TRMT11: variants seen among roughly 807,000 people sequenced by gnomAD.
TRMT11 encodes tRNA methyltransferase 11.
TRMT11 carries 53 observed loss-of-function variants against 62.8 expected under a neutral mutation model. The ratio of observed to expected loss-of-function variants is 0.84; its 90% CI spans 0.68 to 1.06. The LOEUF is 1.06. TRMT11 is among the 50% of genes least tolerant of loss of function. TRMT11 has a pLI of 0.00. For missense variants in TRMT11, 556 were observed against 553.4 expected, an observed-to-expected ratio of 1.00 and a Z score of -0.05; for synonymous variants, 188 against 190.3, an observed-to-expected ratio of 0.99 and a Z score of 0.10.
At chr6:126,099,451 A>C (rs1283931457) in intron 17 of TRMT11, among the ~76,000 whole-genome samples, 2 of 152,200 alleles carry the variant, frequency 1.3e-5, no homozygotes, top group African/African-American at 2.4e-5. Flanking sequence ...CCGTGTACTG[A>C]CAGTTGTGAC....
chr6:126,102,352 C>T (rs1402401414), intron 17 of TRMT11, among the ~76,000 whole-genome samples: 1 of 152,142 alleles, frequency 6.6e-6, no homozygotes, highest in Admixed American at 6.5e-5. Flanking sequence ...AAGCAAAACA[C>T]TTCAAAGGAC....
upstream of TRMT11, among the ~76,000 whole-genome samples, chr6:126,173,207 CTGT>C: frequency 6.6e-6 from 1 of 152,050 alleles, no homozygotes; most frequent in Non-Finnish European, 1.5e-5. Context: ...TTTGAAATGC[CTGT>C]TTATGGCAAA....
intron 17 of TRMT11, among the ~76,000 whole-genome samples, chr6:126,081,024 G>C (rs1261816444): frequency 1.3e-5 from 2 of 152,170 alleles, no homozygotes; most frequent in Non-Finnish European, 2.9e-5. Flanking sequence ...AGAGACTTGT[G>C]CCACTGCCAA....
intron 17 of TRMT11, among the ~76,000 whole-genome samples, chr6:126,062,129 G>A (rs984490048): frequency 4.6e-5 from 7 of 152,082 alleles, no homozygotes; most frequent in Non-Finnish European, 8.8e-5. Context: ...CAAGAGATCC[G>A]TCCACCTTGG....
the TRMT11 span, among the ~76,000 whole-genome samples, chr6:126,259,825 C>A: frequency 2.6e-5 from 4 of 152,102 alleles, no homozygotes; most frequent in African/African-American, 9.6e-5. Context: ...AAAGAATAAC[C>A]TTTGCCTCTT....
At chr6:126,025,072 A>G (rs754529771) in intron 12 of TRMT11, among the ~76,000 whole-genome samples, 1 of 152,192 alleles carries the variant, frequency 6.6e-6, no homozygotes, top group Non-Finnish European at 1.5e-5. Flanking sequence ...TATTCCAAAG[A>G]ATTAGGAGGA....
chr6:126,247,358 C>T, the TRMT11 span, among the ~76,000 whole-genome samples: 4 of 151,840 alleles, frequency 2.6e-5, no homozygotes, highest in East Asian at 7.7e-4. Context: ...CACGCACACA[C>T]ATATACACAC....
the TRMT11 span, among the ~76,000 whole-genome samples, chr6:126,259,606 T>C: frequency 6.6e-6 from 1 of 152,248 alleles, no homozygotes; most frequent in Admixed American, 6.5e-5. Context: ...TGTGTCTTTA[T>C]GATAGAATGA....
rs398002786 is a variant in TRMT11, at chr6:126,152,269, TAAA to T, written c.*1824-22541_*1824-22539del. ...GATTCATGTGATGTCACCAAATGGC[TAAA>T]AAAAAAAAAAAAAATCAAACATGAT... On this transcript the variant is annotated intron_variant and NMD_transcript_variant, in intron 21 of 22. Coordinates refer to the TRMT11 transcript ENST00000648977. Among the ~76,000 whole-genome samples, 24 of 134,566 alleles carry T rather than the reference TAAA, an allele frequency of 1.8e-4. No homozygotes were observed. In the South Asian group the frequency reaches 3.4e-3, roughly 19 times the overall value. The allele number at this position is 134,566 out of a possible 152,430, so 88.3% of individuals were successfully genotyped here. A position where few individuals can be genotyped will look rare whatever the true frequency, so the allele number is the denominator to read the frequency against.
At chr6:126,091,711 C>T (rs1777279435) in intron 17 of TRMT11, among the ~76,000 whole-genome samples, 1 of 152,152 alleles carries the variant, frequency 6.6e-6, no homozygotes, top group Non-Finnish European at 1.5e-5. Flanking sequence ...CTCATGGCAA[C>T]TCTATTGTTT....
At chr6:126,139,124 A>C (rs1417692178) in intron 21 of TRMT11, among the ~76,000 whole-genome samples, 1 of 152,024 alleles carries the variant, frequency 6.6e-6, no homozygotes, top group Non-Finnish European at 1.5e-5. Context: ...TTTAAGAAAT[A>C]ATATGAAGTT....
At chr6:126,045,255 A>T (rs1471384856) in intron 16 of TRMT11, among the ~76,000 whole-genome samples, 1 of 152,036 alleles carries the variant, frequency 6.6e-6, no homozygotes, top group Admixed American at 6.6e-5. Context: ...AGTTCTTTGT[A>T]TGTGACCTAG....
At chr6:126,197,905 T>A (rs1778685293) in intron 1 of TRMT11, among the ~76,000 whole-genome samples, 1 of 152,098 alleles carries the variant, frequency 6.6e-6, no homozygotes, top group Non-Finnish European at 1.5e-5. Flanking sequence ...AAGGAAAACA[T>A]GAACACAAAG....
intron 17 of TRMT11, among the ~76,000 whole-genome samples, chr6:126,072,853 A>G (rs1027940222): frequency 6.6e-6 from 1 of 152,066 alleles, no homozygotes; most frequent in Admixed American, 6.6e-5. Context: ...TTCCACCCTC[A>G]TGATCTAATT....
intron 21 of TRMT11, among the ~76,000 whole-genome samples, chr6:126,130,378 C>T (rs539895865): frequency 6.6e-6 from 1 of 152,028 alleles, no homozygotes; most frequent in Non-Finnish European, 1.5e-5. Context: ...TATGTAATAT[C>T]GTTTAATCCT....
intron 6 of TRMT11, 74 bp from the exon 7 acceptor site, chr6:125,999,383 T>C: frequency 8.6e-7 from 1 of 1,158,134 alleles, no homozygotes; most frequent in Non-Finnish European, 1.2e-6. Flanking sequence ...CAAAATACAA[T>C]GGTCTTATTG....
chr6:125,999,834 A>T (rs936276126), intron 7 of TRMT11, among the ~76,000 whole-genome samples: 3 of 152,166 alleles, frequency 2.0e-5, no homozygotes, highest in Non-Finnish European at 4.4e-5. Flanking sequence ...TTCCAGATAA[A>T]CCACTAGGAG....
chr6:126,076,382 G>C (rs1234912885), intron 17 of TRMT11, among the ~76,000 whole-genome samples: 1 of 152,128 alleles, frequency 6.6e-6, no homozygotes, highest in Non-Finnish European at 1.5e-5. Context: ...GTGTCCTTTG[G>C]AAAATGAAGC....
chr6:126,188,932 G>C (rs756921990), intron 1 of TRMT11, among the ~76,000 whole-genome samples: 1 of 152,054 alleles, frequency 6.6e-6, no homozygotes, highest in Non-Finnish European at 1.5e-5. Context: ...CAGCTGTTCT[G>C]TCTGGAGGAA....
Sources: allele counts gnomAD v4.1 joint callset (sites outside exome capture counted in the v4.1 genomes callset), GRCh38; gene constraint gnomAD v4.1.1; transcripts MANE v1.5; gene names NCBI Gene and HGNC (gene_info 2026-07-23, HGNC 2026-07-21).